The following PLPPR1 variants were observed in gnomAD, a reference collection of about 807,000 sequenced individuals.
PLPPR1 encodes phospholipid phosphatase related 1, also known as phospholipid phosphatase-related protein type 1.
PLPPR1 carries 10 observed loss-of-function variants against 33.1 expected under a neutral mutation model. The ratio of observed to expected loss-of-function variants is 0.30; its 90% CI spans 0.19 to 0.51. The LOEUF (loss-of-function observed/expected upper bound fraction) is 0.51, where lower values mean the gene tolerates loss of function less well. Ranked by LOEUF, PLPPR1 falls within the 20% of genes least tolerant of loss-of-function variation. The pLI is 0.97. For synonymous variants in PLPPR1, 151 were observed against 151.0 expected (o/e 1.00, Z 0.00); for missense variants, 304 against 408.1 (o/e 0.74, Z 2.20).
intron 1 of PLPPR1, among the ~76,000 whole-genome samples, chr9:101,058,711 CG>C (rs1830308141): frequency 6.6e-6 from 1 of 151,992 alleles, no homozygotes; most frequent in Admixed American, 6.6e-5. Context: ...TGCTTAATTA[CG>C]GGGCAGCCCC....
At chr9:101,072,835 A>C (rs1467320122) in intron 1 of PLPPR1, among the ~76,000 whole-genome samples, 2 of 152,202 alleles carry the variant, frequency 1.3e-5, no homozygotes, top group Non-Finnish European at 2.9e-5. Context: ...GAAGATTCAC[A>C]GAGAAGTTTA....
chr9:101,160,858 T>TA (rs1299644890), intron 1 of PLPPR1, among the ~76,000 whole-genome samples: 1 of 152,126 alleles, frequency 6.6e-6, no homozygotes, highest in African/African-American at 2.4e-5. Context: ...ATCGAAATAT[T>TA]AAAAAAAGAA....
chr9:101,036,719 A>G (rs905567683), intron 1 of PLPPR1, among the ~76,000 whole-genome samples: 2 of 146,464 alleles, frequency 1.4e-5, no homozygotes, highest in Admixed American at 6.8e-5. Context: ...AAAAAAAAAA[A>G]AAGAAGAGGA....
At chr9:101,166,148 G>A (rs998351087) in intron 1 of PLPPR1, among the ~76,000 whole-genome samples, 4 of 152,138 alleles carry the variant, frequency 2.6e-5, no homozygotes, top group African/African-American at 9.7e-5. Flanking sequence ...CAGCATCACT[G>A]CACGTCCACA....
intron 2 of PLPPR1, among the ~76,000 whole-genome samples, chr9:101,201,110 G>A (rs1472252131): frequency 6.6e-6 from 1 of 152,158 alleles, no homozygotes; most frequent in African/African-American, 2.4e-5. Context: ...CTCTGGAGGG[G>A]ACAAACACCA....
At chr9:101,031,766 G>C (rs1167163001) in intron 1 of PLPPR1, among the ~76,000 whole-genome samples, 1 of 152,164 alleles carries the variant, frequency 6.6e-6, no homozygotes, top group Non-Finnish European at 1.5e-5. Flanking sequence ...TCTTTTACCA[G>C]GGAGGAAAGG....
Position 101,163,162 on chromosome 9 carries a change from C to T in PLPPR1, c.-45-22288C>T, listed in dbSNP as rs1588053833. On this transcript the variant is annotated intron_variant, in intron 1 of 7. Transcript: ENST00000374874. ...TAAGGAGAATGTTTAATAAGTATTG[C>T]TAATGTTCTCTAAAAGCAGTCCCTT... Among the ~76,000 whole-genome samples, 3 of 152,252 alleles carry T rather than the reference C, an allele frequency of 2.0e-5. No individual in the cohort carries two copies. The East Asian group carries it at 5.8e-4, about 29-fold the overall frequency.
chr9:101,288,741 T>G (rs1004140259), intron 4 of PLPPR1, among the ~76,000 whole-genome samples: 2 of 152,128 alleles, frequency 1.3e-5, no homozygotes, highest in African/African-American at 4.8e-5. Flanking sequence ...ATGTAGGGAT[T>G]AAGTCTGATT....
chr9:101,323,610 C>T (rs147686275), intron 7 of PLPPR1, among the ~76,000 whole-genome samples: 6,749 of 151,884 alleles, frequency 0.044, 187 homozygotes, highest in South Asian at 0.12. Context: ...GAGGCTGGGG[C>T]GGGTGGATCA....
chr9:101,164,360 CT>C (rs1825818083), intron 1 of PLPPR1, among the ~76,000 whole-genome samples: 1 of 121,816 alleles, frequency 8.2e-6, no homozygotes, highest in African/African-American at 2.9e-5. Context: ...ATTTTCTTTT[CT>C]TTTCTTTTTT....
chr9:101,031,941 A>T (rs1829950623), intron 1 of PLPPR1, among the ~76,000 whole-genome samples: 1 of 152,170 alleles, frequency 6.6e-6, no homozygotes, highest in Admixed American at 6.5e-5. Context: ...TATGCTCAGA[A>T]TGCCATGGAA....
At chr9:101,239,005 TTAACA>T (rs1262233841) in intron 2 of PLPPR1, among the ~76,000 whole-genome samples, 1 of 151,518 alleles carries the variant, frequency 6.6e-6, no homozygotes, top group Non-Finnish European at 1.5e-5. Flanking sequence ...TGTGCCTGAC[TTAACA>T]TAATATCCTC....
At chr9:101,140,763 T>G (rs1831441164) in intron 1 of PLPPR1, among the ~76,000 whole-genome samples, 1 of 152,160 alleles carries the variant, frequency 6.6e-6, no homozygotes, top group South Asian at 2.1e-4. Flanking sequence ...GGATGATTTT[T>G]GTGAAAAGCA....
intron 2 of PLPPR1, among the ~76,000 whole-genome samples, chr9:101,237,330 T>G (rs1827321963): frequency 6.6e-6 from 1 of 151,526 alleles, no homozygotes; most frequent in African/African-American, 2.4e-5. Flanking sequence ...GTGTCTACCC[T>G]AAGGAAAATA....
At chr9:101,305,980 T>C (rs1418002) in intron 4 of PLPPR1, among the ~76,000 whole-genome samples, 7,252 of 152,260 alleles carry the variant, frequency 0.048, 531 homozygotes, top group African/African-American at 0.16. Flanking sequence ...CCTCTTTCTT[T>C]ATCCTTTGTT....
At chr9:101,127,508 T>A (rs1468007247) in intron 1 of PLPPR1, among the ~76,000 whole-genome samples, 1 of 152,202 alleles carries the variant, frequency 6.6e-6, no homozygotes, top group Non-Finnish European at 1.5e-5. Flanking sequence ...AAGCACATGA[T>A]TTACAGCTGT....
intron 2 of PLPPR1, among the ~76,000 whole-genome samples, chr9:101,201,543 G>A (rs771320534): frequency 5.3e-5 from 8 of 151,984 alleles, no homozygotes; most frequent in African/African-American, 9.7e-5. Flanking sequence ...TGACCATCTC[G>A]GACTTTCAGT....
chr9:101,313,111 A>G (rs2118960368), intron 6 of PLPPR1, 137 bp downstream of exon 6: 1 of 759,844 alleles, frequency 1.3e-6, no homozygotes, highest in Non-Finnish European at 2.1e-6. Flanking sequence ...CAAGTATTAT[A>G]CATGCTTTTG....
At chr9:101,169,466 T>C (rs899299909) in intron 1 of PLPPR1, among the ~76,000 whole-genome samples, 1 of 152,146 alleles carries the variant, frequency 6.6e-6, no homozygotes, top group African/African-American at 2.4e-5. Context: ...GTTCTCCTCG[T>C]GGTGGACCGT....
Sources: allele counts gnomAD v4.1 joint callset (sites outside exome capture counted in the v4.1 genomes callset), GRCh38; gene constraint gnomAD v4.1.1; transcripts MANE v1.5; gene names NCBI Gene and HGNC (gene_info 2026-07-23, HGNC 2026-07-21).